RBFOX1: variants seen among roughly 807,000 people sequenced by gnomAD.
The protein encoded by RBFOX1 is RNA binding protein fox-1 homolog 1.
In RBFOX1, 8 loss-of-function variants were observed where a neutral mutation model predicts 57.7. The observed-to-expected ratio is 0.14, with a 90% CI of 0.08 to 0.25. The LOEUF (loss-of-function observed/expected upper bound fraction) is 0.25. RBFOX1 is among the 10% of genes least tolerant of loss of function. RBFOX1 has a pLI of 1.00. For missense variants in RBFOX1, 611 were observed against 548.5 expected (o/e 1.11, Z -1.14); for synonymous variants, 326 against 222.4 (o/e 1.47, Z -4.15).
chr16:7,039,038 T>A (rs1015149457), intron 3 of RBFOX1, among the ~76,000 whole-genome samples: 8 of 66,884 alleles, frequency 1.2e-4, no homozygotes, highest in African/African-American at 7.5e-4. Context: ...AATATGATGT[T>A]TAAAGGAATA....
At chr16:5,433,853 A>C (rs1107094) in intron 1 of RBFOX1, among the ~76,000 whole-genome samples, 87,790 of 151,946 alleles carry the variant, frequency 0.58, 25,602 homozygotes, top group East Asian at 0.68. Context: ...CATGGTTATT[A>C]CATGGATGGA....
intron 4 of RBFOX1, among the ~76,000 whole-genome samples, chr16:7,345,738 G>T (rs925524432): frequency 6.6e-6 from 1 of 152,194 alleles, no homozygotes; most frequent in Non-Finnish European, 1.5e-5. Context: ...GAGCATATGG[G>T]ATTCTTATCT....
chr16:7,389,058 G>C (rs1032246212), intron 4 of RBFOX1, among the ~76,000 whole-genome samples: 8 of 152,152 alleles, frequency 5.3e-5, no homozygotes, highest in African/African-American at 1.9e-4. Context: ...ATGGCCATAT[G>C]TAATATGTTC....
intron 14 of RBFOX1, chr16:7,693,228 C>G: frequency 1.9e-6 from 2 of 1,080,986 alleles, no homozygotes; most frequent in Non-Finnish European, 2.9e-6. Flanking sequence ...ACCCTTCCCT[C>G]CCCTCATCTG....
intron 1 of RBFOX1, among the ~76,000 whole-genome samples, chr16:6,248,725 C>A (rs1490078073): frequency 6.6e-6 from 1 of 152,092 alleles, no homozygotes; most frequent in Non-Finnish European, 1.5e-5. Flanking sequence ...TATAATTGGG[C>A]TTCCGAGATT....
chr16:6,052,351 A>G (rs2095560932), intron 1 of RBFOX1, among the ~76,000 whole-genome samples: 1 of 152,056 alleles, frequency 6.6e-6, no homozygotes, highest in South Asian at 2.1e-4. Flanking sequence ...CTCTCTTCAG[A>G]TGATTCTTTT....
At chr16:6,113,816 T>G (rs1019400854) in intron 1 of RBFOX1, among the ~76,000 whole-genome samples, 6 of 152,216 alleles carry the variant, frequency 3.9e-5, no homozygotes, top group Non-Finnish European at 8.8e-5. Flanking sequence ...CAGGCCGTGG[T>G]CTCTGTGTCT....
chr16:7,330,472 C>CTG (rs71391624), intron 4 of RBFOX1, among the ~76,000 whole-genome samples: 4,406 of 94,310 alleles, frequency 0.047, 79 homozygotes, highest in South Asian at 0.065. Flanking sequence ...ATGGAGAGCT[C>CTG]TGTGTGTGTG....
intron 1 of RBFOX1, among the ~76,000 whole-genome samples, chr16:6,161,907 T>C (rs1179418384): frequency 6.6e-6 from 1 of 152,226 alleles, no homozygotes; most frequent in Non-Finnish European, 1.5e-5. Context: ...AGTACATGCT[T>C]TCCAGCCAAA....
intron 5 of RBFOX1, among the ~76,000 whole-genome samples, chr16:7,572,336 C>G (rs1006957387): frequency 1.3e-5 from 2 of 152,128 alleles, no homozygotes; most frequent in Non-Finnish European, 2.9e-5. Context: ...CATGGTAAGG[C>G]TTAGTCATTT....
intron 5 of RBFOX1, among the ~76,000 whole-genome samples, chr16:7,572,255 A>G (rs1303294576): frequency 6.6e-6 from 1 of 152,242 alleles, no homozygotes; most frequent in Non-Finnish European, 1.5e-5. Flanking sequence ...CAGGACAAGT[A>G]TACATTTATC....
intron 3 of RBFOX1, among the ~76,000 whole-genome samples, chr16:6,840,231 T>C (rs1048643241): frequency 7.9e-5 from 12 of 152,306 alleles, no homozygotes; most frequent in East Asian, 5.8e-4. Context: ...CTTTCTTTCT[T>C]TAAAGCTTTG....
At chr16:5,702,831 C>T (rs1240210837) in intron 3 of RBFOX1, among the ~76,000 whole-genome samples, 1 of 152,114 alleles carries the variant, frequency 6.6e-6, no homozygotes, top group Non-Finnish European at 1.5e-5. Context: ...AGTAAATGCT[C>T]ATGTTTTTAG....
intron 3 of RBFOX1, among the ~76,000 whole-genome samples, chr16:6,847,487 A>T (rs2093819237): frequency 6.6e-6 from 1 of 152,014 alleles, no homozygotes; most frequent in Non-Finnish European, 1.5e-5. Flanking sequence ...TGGAATCCTT[A>T]CCACTGTGGC....
intron 3 of RBFOX1, among the ~76,000 whole-genome samples, chr16:7,002,882 A>C (rs1030140371): frequency 6.6e-6 from 1 of 152,174 alleles, no homozygotes; most frequent in African/African-American, 2.4e-5. Flanking sequence ...CAGCGTGTTA[A>C]GATAAGGCTA....
At chr16:7,059,779 A>C (rs1203344830) in intron 4 of RBFOX1, among the ~76,000 whole-genome samples, 2 of 152,146 alleles carry the variant, frequency 1.3e-5, no homozygotes, top group Non-Finnish European at 2.9e-5. Flanking sequence ...CTGCTTGCCA[A>C]GAGTCAGTTG....
chr16:5,517,753 C>T (rs1234432094), intron 2 of RBFOX1, among the ~76,000 whole-genome samples: 1 of 152,192 alleles, frequency 6.6e-6, no homozygotes, highest in African/African-American at 2.4e-5. Flanking sequence ...TTTCACTTCA[C>T]ATTGTAATTC....
chr16:5,405,206 G>A (rs143061362), intron 1 of RBFOX1, among the ~76,000 whole-genome samples: 134 of 152,262 alleles, frequency 8.8e-4, no homozygotes, highest in African/African-American at 1.1e-3. Flanking sequence ...AGGACCATGC[G>A]CTTCCTTGGT....
intron 3 of RBFOX1, among the ~76,000 whole-genome samples, chr16:5,694,705 A>T (rs1053450224): frequency 6.6e-6 from 1 of 151,738 alleles, no homozygotes; most frequent in African/African-American, 2.4e-5. Flanking sequence ...CTGACTCCCG[A>T]TTTAAAGTAG....
Sources: allele counts gnomAD v4.1 joint callset (sites outside exome capture counted in the v4.1 genomes callset), GRCh38; gene constraint gnomAD v4.1.1; transcripts MANE v1.5; gene names NCBI Gene and HGNC (gene_info 2026-07-23, HGNC 2026-07-21).